NOS1AP: variants seen among roughly 807,000 people sequenced by gnomAD.
The protein encoded by NOS1AP is nitric oxide synthase 1 adaptor protein.
In NOS1AP, 21 loss-of-function variants were observed where a neutral mutation model predicts 56.2. That is an observed-to-expected ratio of 0.37 (90% CI 0.26 to 0.54). The LOEUF is 0.54. NOS1AP is among the 20% of genes least tolerant of loss of function. The probability of loss-of-function intolerance (pLI) is 0.84; values close to 1 mark genes in which losing one functional copy is unlikely to be tolerated. For synonymous variants in NOS1AP, 270 were observed against 274.6 expected (o/e 0.98, Z 0.17); for missense variants, 522 against 657.8 (o/e 0.79, Z 2.26).
intron 2 of NOS1AP, among the ~76,000 whole-genome samples, chr1:162,202,889 G>A (rs1328218497): frequency 2.0e-5 from 3 of 152,138 alleles, no homozygotes; most frequent in East Asian, 1.9e-4. Context: ...TTAGCTTCAG[G>A]TATGCTTGGA....
chr1:162,332,702 G>C lies in NOS1AP; in HGVS notation c.345-315G>C, dbSNP rs577375671. 2.0e-4 allele frequency among the ~76,000 whole-genome samples: 31 copies of C among 152,318 alleles called. No homozygotes were observed. The South Asian group carries it at 6.2e-3, about 31-fold the overall frequency. ...GCAGGTTTGTTGCTCTGATAAGGATGGGAATGATTTTTCCTTCTAACATAC... is the reference window on the plus strand; with the variant it reads ...GCAGGTTTGTTGCTCTGATAAGGATCGGAATGATTTTTCCTTCTAACATAC... On this transcript the variant is annotated intron_variant, in intron 4 of 9. Coordinates refer to ENST00000361897, the MANE Select transcript of NOS1AP (RefSeq NM_014697.3).
chr1:162,282,694 G>A (rs1180969970), intron 2 of NOS1AP, among the ~76,000 whole-genome samples: 1 of 152,152 alleles, frequency 6.6e-6, no homozygotes, highest in Admixed American at 6.5e-5. Flanking sequence ...GAATATGATT[G>A]GAATGCCCAG....
intron 2 of NOS1AP, among the ~76,000 whole-genome samples, chr1:162,272,282 T>A (rs1168800868): frequency 2.0e-5 from 3 of 152,202 alleles, no homozygotes; most frequent in Admixed American, 1.3e-4. Context: ...AGAGGTACAC[T>A]AACATTTATC....
chr1:162,221,177 G>A (rs778421246), intron 2 of NOS1AP, among the ~76,000 whole-genome samples: 10 of 152,176 alleles, frequency 6.6e-5, no homozygotes, highest in South Asian at 2.1e-4. Context: ...TTGGCCTCCC[G>A]ATCCACCCAC....
chr1:162,086,274 G>T (rs1692000276), intron 1 of NOS1AP, among the ~76,000 whole-genome samples: 1 of 152,094 alleles, frequency 6.6e-6, no homozygotes, highest in African/African-American at 2.4e-5. Flanking sequence ...GGCAATAATA[G>T]GCCTGGAGAG....
At chr1:162,236,648 C>T (rs927767174) in intron 2 of NOS1AP, among the ~76,000 whole-genome samples, 1 of 152,224 alleles carries the variant, frequency 6.6e-6, no homozygotes, top group Admixed American at 6.5e-5. Context: ...CTCCAGCCCC[C>T]CTTTCCCTCT....
Position 162,164,532 on chromosome 1 carries a change from G to A in NOS1AP, c.177+10056G>A, listed in dbSNP as rs566456911. Among the ~76,000 whole-genome samples, 11 of 152,170 alleles carry A rather than the reference G, an allele frequency of 7.2e-5. No individual in the cohort carries two copies. In the South Asian group the frequency reaches 2.1e-3, roughly 29 times the overall value. On this transcript the variant is annotated intron_variant, in intron 2 of 9. Coordinates refer to ENST00000361897, the MANE Select transcript of NOS1AP (RefSeq NM_014697.3). ...TAAACAATAGCTCTGTTTTCCCGTA[G>A]CCCTTGGTAACCTCTGTTCCATCCT...
intron 2 of NOS1AP, among the ~76,000 whole-genome samples, chr1:162,244,756 C>A (rs1653602375): frequency 6.6e-6 from 1 of 152,152 alleles, no homozygotes. Flanking sequence ...GCAACCATTT[C>A]TACTGTCCAG....
rs370211592 is a variant in NOS1AP, at chr1:162,125,001, T to A, written c.106-29404T>A. On this transcript the variant is annotated intron_variant, in intron 1 of 9. Coordinates refer to ENST00000361897, the MANE Select transcript of NOS1AP (RefSeq NM_014697.3). Reference sequence around the variant, plus strand: ...TGGGATTGGTGGATTGAGTGGTAGATCTACTTTTAGTTCTTTGAGAAATCT... The same window carrying A: ...TGGGATTGGTGGATTGAGTGGTAGAACTACTTTTAGTTCTTTGAGAAATCT... Among the ~76,000 whole-genome samples, 7 of 152,250 alleles carry A rather than the reference T, an allele frequency of 4.6e-5. No individual in the cohort carries two copies. The South Asian group carries it at 1.5e-3, about 32-fold the overall frequency.
intron 4 of NOS1AP, among the ~76,000 whole-genome samples, chr1:162,302,166 A>T (rs1655685516): frequency 6.6e-6 from 1 of 152,132 alleles, no homozygotes; most frequent in Non-Finnish European, 1.5e-5. Flanking sequence ...TTACTTTTTT[A>T]AAAAACAAAT....
chr1:162,199,800 T>G (rs1267479435), intron 2 of NOS1AP, among the ~76,000 whole-genome samples: 1 of 152,220 alleles, frequency 6.6e-6, no homozygotes, highest in Non-Finnish European at 1.5e-5. Context: ...AATTCTGGGT[T>G]TGAGGACCAC....
chr1:162,176,712 T>C (rs748934625), intron 2 of NOS1AP, among the ~76,000 whole-genome samples: 9 of 152,106 alleles, frequency 5.9e-5, no homozygotes, highest in Non-Finnish European at 1.3e-4. Flanking sequence ...TTTCACCACA[T>C]TGGCCAAGAT....
chr1:162,090,796 A>C (rs1274324175), intron 1 of NOS1AP, among the ~76,000 whole-genome samples: 2 of 151,916 alleles, frequency 1.3e-5, no homozygotes, highest in African/African-American at 4.8e-5. Flanking sequence ...ATTCTAATTT[A>C]TGTTGTTCTT....
At position 162,176,241 on chromosome 1, in the gene NOS1AP, C is replaced by T. The variant is rs150537289; in HGVS notation, c.177+21765C>T. On this transcript the variant is annotated intron_variant, in intron 2 of 9. Transcript: ENST00000361897. ...AAGTTCTGTGGGTTTTTGTCAAATG[C>T]TTAATGTCCTATACTTACATTACAG... 6.5e-4 allele frequency among the ~76,000 whole-genome samples: 99 copies of T among 152,216 alleles called. 3 individuals carry two copies. In the East Asian group the frequency reaches 0.018, roughly 28 times the overall value.
At chr1:162,264,466 C>T (rs867736746) in intron 2 of NOS1AP, among the ~76,000 whole-genome samples, 433 of 13,254 alleles carry the variant, frequency 0.033, 185 homozygotes, top group South Asian at 0.11. Flanking sequence ...TTCTCTTCTC[C>T]TCCCCTCCCC....
intron 2 of NOS1AP, among the ~76,000 whole-genome samples, chr1:162,194,544 C>A (rs988480345): frequency 6.6e-6 from 1 of 152,180 alleles, no homozygotes; most frequent in African/African-American, 2.4e-5. Flanking sequence ...TTTCCTGTAA[C>A]CTTTCAAGGT....
At chr1:162,149,967 T>G (rs556698848) in intron 1 of NOS1AP, among the ~76,000 whole-genome samples, 2 of 152,348 alleles carry the variant, frequency 1.3e-5, no homozygotes, top group East Asian at 3.9e-4. Flanking sequence ...CATATATCCT[T>G]TCTTTGTGTT....
chr1:162,256,265 C>G (rs1654026373), intron 2 of NOS1AP, among the ~76,000 whole-genome samples: 1 of 152,008 alleles, frequency 6.6e-6, no homozygotes, highest in Admixed American at 6.5e-5. Context: ...GGCATTATTA[C>G]AGAGTGTCTG....
intron 2 of NOS1AP, among the ~76,000 whole-genome samples, chr1:162,191,375 C>T (rs1367240994): frequency 6.6e-6 from 1 of 152,136 alleles, no homozygotes; most frequent in Non-Finnish European, 1.5e-5. Context: ...GGGATCTTCC[C>T]TGCTTCGAAG....
Sources: allele counts gnomAD v4.1 joint callset (sites outside exome capture counted in the v4.1 genomes callset), GRCh38; gene constraint gnomAD v4.1.1; transcripts MANE v1.5; gene names NCBI Gene and HGNC (gene_info 2026-07-23, HGNC 2026-07-21).